RORA: variants seen among roughly 807,000 people sequenced by gnomAD.
RORA encodes nuclear receptor ROR-alpha.
Under a neutral mutation model 69.5 loss-of-function variants are expected in RORA, and 7 were observed. The observed-to-expected ratio is 0.10, with a 90% CI of 0.06 to 0.19. RORA has a LOEUF of 0.19. RORA is among the 10% of genes least tolerant of loss of function. The pLI is 1.00. For synonymous variants in RORA, 261 were observed against 240.8 expected (o/e 1.08, Z -0.78); for missense variants, 457 against 663.0 (o/e 0.69, Z 3.41).
intron 1 of RORA, among the ~76,000 whole-genome samples, chr15:61,071,245 A>G (rs866371368): frequency 4.4e-3 from 6 of 1,360 alleles, no homozygotes; most frequent in East Asian, 0.022. Context: ...GGGGAGGGGA[A>G]GGGAATGGAG....
At chr15:61,053,257 A>G (rs1273300187) in intron 1 of RORA, among the ~76,000 whole-genome samples, 1 of 151,340 alleles carries the variant, frequency 6.6e-6, no homozygotes, top group Non-Finnish European at 1.5e-5. Context: ...TGTCAGCTGC[A>G]AAAACATTTT....
intron 2 of RORA, among the ~76,000 whole-genome samples, chr15:60,624,246 C>T (rs914604860): frequency 5.9e-5 from 9 of 151,458 alleles, no homozygotes; most frequent in Admixed American, 5.3e-4. Context: ...TCCCTCTCTT[C>T]TTCCCTTCCT....
rs371657573 is a variant in RORA at position 61,129,509 on chromosome 15, T to C, written c.166+99544A>G. ...GTTTCTGCTCGGGGGGATGAAAAGG[T>C]TCTGGAACTAGATAGTGGTGATGGT... On this transcript the variant is annotated intron_variant, in intron 1 of 10. Coordinates refer to ENST00000335670, the MANE Select transcript of RORA (RefSeq NM_134261.3). 2.0e-4 allele frequency among the ~76,000 whole-genome samples: 31 copies of C among 152,194 alleles called. No homozygotes were observed. The East Asian group carries it at 5.6e-3, about 28-fold the overall frequency.
At chr15:61,119,339 A>G (rs1314719426) in intron 1 of RORA, among the ~76,000 whole-genome samples, 4 of 151,836 alleles carry the variant, frequency 2.6e-5, no homozygotes, top group Admixed American at 1.3e-4. Flanking sequence ...CTGGGATCAC[A>G]GGCATGTACC....
intron 1 of RORA, among the ~76,000 whole-genome samples, chr15:60,891,027 C>T (rs1353714283): frequency 2.6e-5 from 4 of 152,086 alleles, no homozygotes; most frequent in Admixed American, 2.0e-4. Context: ...TGGGAAGGAC[C>T]CACACCACAG....
At chr15:60,577,187 TTAATA>T (rs2068050352) in intron 2 of RORA, among the ~76,000 whole-genome samples, 1 of 152,240 alleles carries the variant, frequency 6.6e-6, no homozygotes, top group African/African-American at 2.4e-5. Flanking sequence ...AGTGCTTTCT[TTAATA>T]TAATTTATAG....
intron 1 of RORA, among the ~76,000 whole-genome samples, chr15:60,704,569 A>G (rs1054767307): frequency 7.2e-5 from 11 of 152,256 alleles, no homozygotes; most frequent in African/African-American, 2.7e-4. Context: ...AATCTTTCAG[A>G]GAGGAGTGTT....
chr15:61,047,783 A>G (rs1409474927), intron 1 of RORA, among the ~76,000 whole-genome samples: 1 of 152,218 alleles, frequency 6.6e-6, no homozygotes, highest in Non-Finnish European at 1.5e-5. Flanking sequence ...AGACCCAGAA[A>G]GAGAAGCAGA....
At chr15:60,978,152 AT>A (rs1566931479) in intron 1 of RORA, among the ~76,000 whole-genome samples, 4 of 151,988 alleles carry the variant, frequency 2.6e-5, no homozygotes, top group Middle Eastern at 6.8e-3. Context: ...CATCATCATC[AT>A]CAAGATCATC....
At chr15:60,944,415 G>A (rs946648936) in intron 1 of RORA, among the ~76,000 whole-genome samples, 3 of 152,038 alleles carry the variant, frequency 2.0e-5, no homozygotes. Flanking sequence ...ACAGAAAACC[G>A]TATACAATAA....
chr15:60,735,331 T>C (rs1393438520), intron 1 of RORA, among the ~76,000 whole-genome samples: 1 of 152,220 alleles, frequency 6.6e-6, no homozygotes, highest in Non-Finnish European at 1.5e-5. Flanking sequence ...GGTTGTTTTT[T>C]TATATAATAT....
chr15:61,219,532 G>A (rs990822535), intron 1 of RORA, among the ~76,000 whole-genome samples: 3 of 151,960 alleles, frequency 2.0e-5, no homozygotes, highest in African/African-American at 4.8e-5. Flanking sequence ...CAGACATCAC[G>A]CCACTGCACT....
chr15:60,763,732 A>G (rs772646524), intron 1 of RORA, among the ~76,000 whole-genome samples: 2 of 152,164 alleles, frequency 1.3e-5, no homozygotes, highest in Non-Finnish European at 2.9e-5. Flanking sequence ...TGGCCCATTC[A>G]GGAGCCCCTC....
chr15:60,880,864 T>C (rs1455614425), intron 1 of RORA, among the ~76,000 whole-genome samples: 1 of 152,218 alleles, frequency 6.6e-6, no homozygotes, highest in Non-Finnish European at 1.5e-5. Context: ...AATCCGCCGA[T>C]GCATTTAACT....
chr15:60,671,588 G>A (rs2070473100), intron 2 of RORA, among the ~76,000 whole-genome samples: 1 of 151,816 alleles, frequency 6.6e-6, no homozygotes, highest in African/African-American at 2.4e-5. Context: ...GACCAGCCTG[G>A]GCAACATAGC....
At chr15:60,595,350 A>G (rs953456105) in intron 2 of RORA, among the ~76,000 whole-genome samples, 1 of 151,952 alleles carries the variant, frequency 6.6e-6, no homozygotes, top group Non-Finnish European at 1.5e-5. Flanking sequence ...CCATCTCTAC[A>G]AAAATACAAA....
At chr15:61,154,176 C>T (rs2079422465) in intron 1 of RORA, among the ~76,000 whole-genome samples, 1 of 152,144 alleles carries the variant, frequency 6.6e-6, no homozygotes, top group Non-Finnish European at 1.5e-5. Context: ...GGCATTCCTC[C>T]CCACCAACAA....
chr15:61,052,524 G>T (rs2078029024), intron 1 of RORA, among the ~76,000 whole-genome samples: 1 of 152,186 alleles, frequency 6.6e-6, no homozygotes, highest in Non-Finnish European at 1.5e-5. Flanking sequence ...CATCACTCCA[G>T]GAGAGAAATG....
intron 1 of RORA, among the ~76,000 whole-genome samples, chr15:60,722,217 G>A (rs575729195): frequency 6.6e-6 from 1 of 152,168 alleles, no homozygotes; most frequent in Admixed American, 6.5e-5. Context: ...ACTTCCATGT[G>A]TTGTCAACAT....
Sources: gnomAD v4.1 joint callset for allele counts (sites outside exome capture counted in the v4.1 genomes callset) on GRCh38, gnomAD v4.1.1 for gene constraint, MANE v1.5 for transcripts, NCBI Gene and HGNC (gene_info 2026-07-23, HGNC 2026-07-21) for gene names.